The following CAPN11 variants were observed in gnomAD, a reference collection of about 807,000 sequenced individuals.
CAPN11 encodes the protein calpain-11.
A neutral mutation model predicts 105.3 loss-of-function variants in CAPN11; 108 were observed. The ratio of observed to expected loss-of-function variants is 1.03; its 90% CI spans 0.88 to 1.20. CAPN11 has a LOEUF of 1.20. CAPN11 is among the 50% of genes most tolerant of loss of function. The pLI, the probability that CAPN11 is intolerant of heterozygous loss-of-function variation, is 0.00. For missense variants in CAPN11, 883 were observed against 924.8 expected, an observed-to-expected ratio of 0.95 and a Z score of 0.59; for synonymous variants, 329 against 344.5, an observed-to-expected ratio of 0.96 and a Z score of 0.50.
intron 1 of CAPN11, among the ~76,000 whole-genome samples, chr6:44,163,284 AC>A (rs1227785495): frequency 2.6e-4 from 39 of 152,014 alleles, no homozygotes; most frequent in Non-Finnish European, 1.2e-4. Flanking sequence ...GGGACAAGCC[AC>A]CCCTTTTCCA....
In CAPN11 at chr6:44,175,570, G is replaced by A. The variant is rs1561847353; in HGVS notation, c.832-498G>A. 2.0e-5 allele frequency among the ~76,000 whole-genome samples: 3 copies of A among 152,146 alleles called. No individual in the cohort carries two copies. The South Asian group carries it at 6.2e-4, about 31-fold the overall frequency. On this transcript the variant is annotated intron_variant, in intron 7 of 22. Coordinates refer to ENST00000398776, the MANE Select transcript of CAPN11 (RefSeq NM_007058.4). ...GTGGGCGGATCACCTGAGGTCAGGA[G>A]TTCAAGACCAGCCTGGCCAACATGG...
intron 19 of CAPN11, 147 bp from the exon 20 acceptor site, chr6:44,182,794 A>G: frequency 1.6e-6 from 1 of 616,736 alleles, no homozygotes; most frequent in Non-Finnish European, 2.9e-6. Context: ...GGCTGGTCTC[A>G]AACTCCTGAC....
intron 14 of CAPN11, 99 bp from the exon 15 acceptor site, chr6:44,180,361 A>G: frequency 8.5e-7 from 1 of 1,174,540 alleles, no homozygotes; most frequent in Non-Finnish European, 1.3e-6. Context: ...GAGCTGCCCT[A>G]TATTGCTTCA....
rs1010374942 is a variant in CAPN11 at position 44,176,402 on chromosome 6, G to A, written c.1001+64G>A. ...TACAGCAGGCGGTGCCAGGTGGACC[G>A]ACTGGTGTCCCATCTAGGAGAACAA... On this transcript the variant is annotated intron_variant, in intron 9 of 22. Transcript: ENST00000398776. The A allele has an allele frequency of 1.4e-5, 20 of 1,456,482 alleles. No homozygotes were observed. In the East Asian group the frequency reaches 2.1e-4, roughly 15 times the overall value. 90.2% of individuals were successfully genotyped at this position (1,456,482 alleles called of 1,614,324 possible).
At chr6:44,172,823 C>T in intron 5 of CAPN11, 117 bp from the exon 6 acceptor site, 1 of 1,208,148 alleles carries the variant, frequency 8.3e-7, no homozygotes, top group Non-Finnish European at 1.1e-6. Flanking sequence ...CTTTCCCTCT[C>T]TATTCAGTGA....
Position 44,183,203 on chromosome 6 carries a change from T to C in CAPN11, c.2102T>C (p.Ile701Thr), listed in dbSNP as rs747608625. 6.2e-7 allele frequency: 1 copy of C among 1,611,874 alleles called. No individual in the cohort carries two copies. Among genetic ancestry groups the C allele is most frequent in the African/African-American group, 1.3e-5 (1 of 74,874 alleles). ...DDLIIDFDSF[I>T]SCFLRLKTMF... Reference sequence around the variant, plus strand: ...CTGATCATAGACTTTGACAGCTTCATCAGCTGTTTCCTGAGGCTAAAGACC... The same window carrying C: ...CTGATCATAGACTTTGACAGCTTCACCAGCTGTTTCCTGAGGCTAAAGACC... Residue 701 changes from isoleucine (I) to threonine (T), a missense_variant, in exon 21 of 23, where the codon ATC becomes ACC. Transcript: ENST00000398776.
chr6:44,182,274 A>G (rs1489158551), intron 19 of CAPN11, among the ~76,000 whole-genome samples: 1 of 139,090 alleles, frequency 7.2e-6, no homozygotes, highest in Non-Finnish European at 1.5e-5. Context: ...ACACATACAG[A>G]CACAACCACA....
intron 1 of CAPN11, among the ~76,000 whole-genome samples, chr6:44,161,008 G>C (rs547532886): frequency 4.6e-5 from 7 of 152,126 alleles, no homozygotes; most frequent in African/African-American, 1.2e-4. Flanking sequence ...GTGTCCACTG[G>C]GGGTGTTGGA....
Position 44,180,143 on chromosome 6 carries a change from C to T in CAPN11, c.1620C>T (p.Thr540=), listed in dbSNP as rs376463962. 4.8e-4 allele frequency: 770 copies of T among 1,612,100 alleles called. No individual in the cohort carries two copies. The highest frequency in any genetic ancestry group is 6.0e-4 in the Non-Finnish European group (705 of 1,179,082). The change falls in exon 14 of 23, where the codon ACC becomes ACT. Residue 540 remains threonine, a synonymous_variant. Transcript: ENST00000398776. ...CTGACTTCCTGCTTCGGGTCTTCAC[C>T]GAGAAGCACAGCGAGTCATGGTAAG... The part of the protein sequence containing the change: ...RDADFLLRVF[T]EKHSESWELD...
chr6:44,178,952 G>A (rs1178302618), intron 12 of CAPN11, among the ~76,000 whole-genome samples: 4 of 151,974 alleles, frequency 2.6e-5, no homozygotes, highest in African/African-American at 9.7e-5. Context: ...AAAAGCTCAG[G>A]AAAGACTACT....
intron 12 of CAPN11, among the ~76,000 whole-genome samples, chr6:44,178,913 C>A (rs1772647519): frequency 6.6e-6 from 1 of 152,046 alleles, no homozygotes. Flanking sequence ...CAGAGTGAGA[C>A]CCTGTCTCAA....
intron 1 of CAPN11, among the ~76,000 whole-genome samples, chr6:44,161,590 G>C (rs933699107): frequency 3.9e-5 from 6 of 152,166 alleles, no homozygotes; most frequent in African/African-American, 1.4e-4. Flanking sequence ...TCACACCCTG[G>C]GGACTGGGTA....
chr6:44,178,366 A>G (rs1772499337), intron 12 of CAPN11, among the ~76,000 whole-genome samples: 1 of 152,156 alleles, frequency 6.6e-6, no homozygotes, highest in African/African-American at 2.4e-5. Context: ...TACTCACTCC[A>G]GGAGCCAAGA....
At chr6:44,179,885 A>G in intron 13 of CAPN11, 67 bp from the exon 14 acceptor site, 1 of 1,295,606 alleles carries the variant, frequency 7.7e-7, no homozygotes, top group East Asian at 2.3e-5. Context: ...CAGGCTGTTC[A>G]CCCTGGGGGA....
At chr6:44,169,846 G>A in intron 3 of CAPN11, 60 bp from the exon 4 acceptor site, 2 of 1,310,534 alleles carry the variant, frequency 1.5e-6, no homozygotes, top group South Asian at 2.5e-5. Context: ...CAGCAAAAGT[G>A]GGAGAAAGGT....
In CAPN11 at chr6:44,173,276, T is replaced by C; in HGVS notation, c.721T>C (p.Phe241Leu). ...CAGTACCATGGAGGGCCTTGAGGAC[T>C]TCACAGGAGGCGTGGCCCAGAGCTT... ...GGSTMEGLED[F>L]TGGVAQSFQL... is the part of the protein sequence containing the mutation. The change falls in exon 7 of 23, where the codon TTC becomes CTC. Residue 241 changes from phenylalanine (F) to leucine (L), a missense_variant. By Grantham distance (22) the Phe-to-Leu change is conservative. Coordinates refer to ENST00000398776, the MANE Select transcript of CAPN11 (RefSeq NM_007058.4). The C allele has an allele frequency of 1.2e-6, 2 of 1,613,958 alleles. No homozygotes were observed. The highest frequency in any genetic ancestry group is 1.1e-5 in the South Asian group (1 of 91,086).
In CAPN11 at chr6:44,169,536, G is replaced by A; in HGVS notation, c.339+5G>A. ...ATCTCCTGGCAGCGGCCCAAGGTGG[G>A]CACTGGAAGGGAGGCATGGACTCAT... On this transcript the variant is annotated splice_donor_5th_base_variant and intron_variant, in intron 3 of 22. Coordinates refer to ENST00000398776, the MANE Select transcript of CAPN11 (RefSeq NM_007058.4). The A allele has an allele frequency of 6.4e-7, 1 of 1,559,054 alleles. No individual in the cohort carries two copies.
Position 44,184,174 on chromosome 6 carries a change from C to T in CAPN11, c.*242C>T, listed in dbSNP as rs2128320343. ...ACCCGGCTTCTGATGGCTGGCTTTC[C>T]CCCACCATCGCTCTCTCAGAGTATA... is the stretch of plus-strand genomic sequence containing the variant. On this transcript the variant is annotated 3_prime_UTR_variant, in exon 23 of 23. Transcript: ENST00000398776. 1.7e-6 allele frequency: 1 copy of T among 582,374 alleles called. No homozygotes were observed. The highest frequency in any genetic ancestry group is 3.1e-6 in the Non-Finnish European group (1 of 326,420). 36.1% of individuals were successfully genotyped at this position (582,374 alleles called of 1,614,324 possible). A position where few individuals can be genotyped will look rare whatever the true frequency, so the allele number is the denominator to read the frequency against.
intron 18 of CAPN11, 118 bp from the exon 19 acceptor site, chr6:44,181,134 T>C (rs1773066369): frequency 1.7e-6 from 2 of 1,204,022 alleles, no homozygotes; most frequent in South Asian, 2.4e-5. Flanking sequence ...CCAGTTCTTC[T>C]GGCTGCTACA....
Sources: gnomAD v4.1 joint callset for allele counts (sites outside exome capture counted in the v4.1 genomes callset) on GRCh38, gnomAD v4.1.1 for gene constraint, MANE v1.5 for transcripts, NCBI Gene and HGNC (gene_info 2026-07-23, HGNC 2026-07-21) for gene names.